TPCN1: variants seen among roughly 807,000 people sequenced by gnomAD.
TPCN1 encodes two pore channel protein 1.
In TPCN1, 52 loss-of-function variants were observed where a neutral mutation model predicts 108.8. That is an observed-to-expected ratio of 0.48 (90% CI 0.38 to 0.60). The LOEUF (loss-of-function observed/expected upper bound fraction) is 0.60, where lower values mean the gene tolerates loss of function less well. Among genes scored for constraint, TPCN1 ranks in the 20% least tolerant of loss-of-function variants. TPCN1 has a pLI of 0.00. For missense variants in TPCN1, 806 were observed against 1,072.8 expected (o/e 0.75, Z 3.47); for synonymous variants, 446 against 433.7 (o/e 1.03, Z -0.35).
intron 3 of TPCN1, among the ~76,000 whole-genome samples, chr12:113,265,291 T>C (rs1955211725): frequency 6.6e-6 from 1 of 152,220 alleles, no homozygotes; most frequent in South Asian, 2.1e-4. Context: ...ACCTTTCCTC[T>C]TCACAACAGC....
intron 2 of TPCN1, among the ~76,000 whole-genome samples, chr12:113,228,342 C>G (rs1272991494): frequency 6.6e-6 from 1 of 152,216 alleles, no homozygotes; most frequent in Non-Finnish European, 1.5e-5. Flanking sequence ...CGTGGTGGCC[C>G]CCACCTTTAA....
rs140854917 is a variant in TPCN1 at position 113,252,286 on chromosome 12, G to T, written c.113-8082G>T. Reference sequence around the variant, plus strand: ...CATTGAGGCTTGTTAGCAAGGAATGGCCTGCACCGTGGGACGCGTCGGGCC... The same window carrying T: ...CATTGAGGCTTGTTAGCAAGGAATGTCCTGCACCGTGGGACGCGTCGGGCC... On this transcript the variant is annotated intron_variant, in intron 2 of 27. Coordinates refer to ENST00000335509, the MANE Select transcript of TPCN1 (RefSeq NM_017901.6). Among the ~76,000 whole-genome samples, 14 of 152,312 alleles carry T rather than the reference G, an allele frequency of 9.2e-5. No homozygotes were observed. The East Asian group carries it at 2.7e-3, about 29-fold the overall frequency.
At chr12:113,236,937 T>C (rs1953921590) in intron 2 of TPCN1, among the ~76,000 whole-genome samples, 1 of 152,094 alleles carries the variant, frequency 6.6e-6, no homozygotes, top group Non-Finnish European at 1.5e-5. Flanking sequence ...GAGCATTGGG[T>C]GGATGTCAGC....
rs1197983178 is a variant in TPCN1 at position 113,245,783 on chromosome 12, C to G, written c.113-14585C>G. On this transcript the variant is annotated intron_variant, in intron 2 of 27. Transcript: ENST00000335509. Reference sequence around the variant, plus strand: ...CCAGTGGTTTACGCAGCCGGGCTGCCCCCTGCGCCTGCTGGGTGAGGGGTG... The same window carrying G: ...CCAGTGGTTTACGCAGCCGGGCTGCGCCCTGCGCCTGCTGGGTGAGGGGTG... 2.8e-5 allele frequency: 10 copies of G among 362,526 alleles called. No individual in the cohort carries two copies. In the East Asian group the frequency reaches 7.5e-4, roughly 27 times the overall value. 22.5% of individuals were successfully genotyped at this position (362,526 alleles called of 1,614,324 possible).
chr12:113,297,212 G>C lies in TPCN1; in HGVS notation c.*1136G>C, dbSNP rs1403416859. Reference sequence around the variant, plus strand: ...GAGCCCTGTATGACATCTGAGCGTGGTGGAGGTAGGAGGGTTGCCAGCTGC... The same window carrying C: ...GAGCCCTGTATGACATCTGAGCGTGCTGGAGGTAGGAGGGTTGCCAGCTGC... On this transcript the variant is annotated 3_prime_UTR_variant, in exon 28 of 28. Coordinates refer to ENST00000335509, the MANE Select transcript of TPCN1 (RefSeq NM_017901.6). This position sits in a 1 kb window ranked among gnomAD's most constrained non-coding sequence, Gnocchi z 4.4. The C allele has an allele frequency of 1.3e-5, 2 of 152,710 alleles. No homozygotes were observed. The highest frequency in any genetic ancestry group is 2.4e-5 in the African/African-American group (1 of 41,428). 9.5% of individuals were successfully genotyped at this position (152,710 alleles called of 1,614,324 possible). A position where few individuals can be genotyped will look rare whatever the true frequency, so the allele number is the denominator to read the frequency against.
rs1955529807 is a variant in TPCN1, at chr12:113,272,305, A to T, written c.749-353A>T. 6.6e-6 allele frequency among the ~76,000 whole-genome samples: 1 copy of T among 152,248 alleles called. No homozygotes were observed. On this transcript the variant is annotated intron_variant, in intron 7 of 27. Transcript: ENST00000335509. This position sits in a 1 kb window ranked among gnomAD's most constrained non-coding sequence, Gnocchi z 4.1. Reference sequence around the variant, plus strand: ...CATGTTCTCAGAACCTAAGATTGCGAAACAGCAGCCTGGATTCCAGATCCA... The same window carrying T: ...CATGTTCTCAGAACCTAAGATTGCGTAACAGCAGCCTGGATTCCAGATCCA...
rs1457838890 is a variant in TPCN1 at position 113,273,540 on chromosome 12, G to A, written c.843-29G>A. 1.3e-6 allele frequency: 2 copies of A among 1,564,502 alleles called. No homozygotes were observed. The highest frequency in any genetic ancestry group is 1.1e-5 in the South Asian group (1 of 90,036). ...GAGAGGATGGAGACAGGCAGATACA[G>A]CACGCCGGGTCACCCTCTGCAAATA... is the stretch of plus-strand genomic sequence containing the variant. On this transcript the variant is annotated intron_variant, in intron 9 of 27. Transcript: ENST00000335509. This position sits in a 1 kb window ranked among gnomAD's most constrained non-coding sequence, Gnocchi z 4.0.
intron 13 of TPCN1, among the ~76,000 whole-genome samples, chr12:113,278,460 C>A (rs967263799): frequency 5.9e-5 from 9 of 152,184 alleles, no homozygotes; most frequent in Non-Finnish European, 1.2e-4. Context: ...CTTACTTAGA[C>A]CCCATTGGTT....
At chr12:113,244,476 T>G (rs1321060555) in intron 2 of TPCN1, 1 of 985,352 alleles carries the variant, frequency 1.0e-6, no homozygotes, top group Non-Finnish European at 1.2e-6. Context: ...AGAGAAGGCC[T>G]GAGCAGGGGG....
intron 15 of TPCN1, 127 bp downstream of exon 15, chr12:113,280,322 C>T (rs1955844592): frequency 1.4e-6 from 1 of 703,390 alleles, no homozygotes; most frequent in African/African-American, 1.8e-5. Flanking sequence ...GAATTCCCAG[C>T]ATGTATAAAA....
At chr12:113,236,242 C>T (rs1290146776) in intron 2 of TPCN1, among the ~76,000 whole-genome samples, 1 of 152,164 alleles carries the variant, frequency 6.6e-6, no homozygotes, top group African/African-American at 2.4e-5. Context: ...TTTGCCTGAA[C>T]TGTGTTTTAA....
intron 3 of TPCN1, among the ~76,000 whole-genome samples, chr12:113,264,128 C>CT (rs1485335743): frequency 6.6e-6 from 1 of 152,184 alleles, no homozygotes; most frequent in Non-Finnish European, 1.5e-5. Flanking sequence ...GTGTGGCCCC[C>CT]TGCCCACTGC....
chr12:113,279,319 G>A (rs7972725), intron 14 of TPCN1, among the ~76,000 whole-genome samples: 2,954 of 96,126 alleles, frequency 0.031, 112 homozygotes, highest in East Asian at 0.15. Context: ...ATATATATAT[G>A]TGTGTGTGTG....
intron 23 of TPCN1, 68 bp downstream of exon 23, chr12:113,291,066 A>G: frequency 2.8e-6 from 4 of 1,421,244 alleles, no homozygotes; most frequent in Non-Finnish European, 4.0e-6. Context: ...GTCTCCCCCA[A>G]CCCAGAGTAT....
chr12:113,253,644 C>T (rs773539166), intron 2 of TPCN1, among the ~76,000 whole-genome samples: 4 of 152,092 alleles, frequency 2.6e-5, no homozygotes, highest in African/African-American at 4.8e-5. Context: ...AATGGTTGCT[C>T]GGTTCCACAA....
At position 113,284,477 on chromosome 12, in the gene TPCN1, A is replaced by G; in HGVS notation, c.1343-104A>G. On this transcript the variant is annotated intron_variant, in intron 15 of 27. Coordinates refer to ENST00000335509, the MANE Select transcript of TPCN1 (RefSeq NM_017901.6). The surrounding 1 kb of genome is among the most constrained non-coding windows in gnomAD (Gnocchi z 4.1). Reference sequence around the variant, plus strand: ...TGTGTGGAGCAGCCCTGTTCTCCCCATCCCGTAGAGCTCCAGGAAGTTAAC... The same window carrying G: ...TGTGTGGAGCAGCCCTGTTCTCCCCGTCCCGTAGAGCTCCAGGAAGTTAAC... 1 of 1,308,994 alleles carries G rather than the reference A, an allele frequency of 7.6e-7. No individual in the cohort carries two copies. Among genetic ancestry groups the G allele is most frequent in the Admixed American group, 1.7e-5 (1 of 58,888 alleles). 81.1% of individuals were successfully genotyped at this position (1,308,994 alleles called of 1,614,324 possible).
At chr12:113,295,750 G>A (rs1956404030) in intron 27 of TPCN1, among the ~76,000 whole-genome samples, 1 of 152,188 alleles carries the variant, frequency 6.6e-6, no homozygotes, top group South Asian at 2.1e-4. Context: ...CCAGACACTA[G>A]GGAAAGATTT....
rs539366239 is a variant in TPCN1 at position 113,297,408 on chromosome 12, C to G, written c.*1332C>G. 1 of 153,438 alleles carries G rather than the reference C, an allele frequency of 6.5e-6. No homozygotes were observed. The highest frequency in any genetic ancestry group is 2.1e-4 in the South Asian group (1 of 4,840). The allele number at this position is 153,438 out of a possible 1,614,324, so 9.5% of individuals were successfully genotyped here. On this transcript the variant is annotated 3_prime_UTR_variant, in exon 28 of 28. Transcript: ENST00000335509. This position sits in a 1 kb window ranked among gnomAD's most constrained non-coding sequence, Gnocchi z 4.4. ...GGCATTCCTGGCCAGCCCCGGCCCT[C>G]TGGTGCCTGCTTCCTGTGACTTCAG...
rs760272185 is a variant in TPCN1 at position 113,269,451 on chromosome 12, C to T, written c.660-306C>T. On this transcript the variant is annotated intron_variant, in intron 6 of 27. Coordinates refer to ENST00000335509, the MANE Select transcript of TPCN1 (RefSeq NM_017901.6). The surrounding 1 kb of genome is among the most constrained non-coding windows in gnomAD (Gnocchi z 5.0). ...TCCACATCCTGCTCATGGAAACTGA[C>T]CTTTGCACCCAAGGTCATGCCCTTG... is the stretch of plus-strand genomic sequence containing the variant. Among the ~76,000 whole-genome samples, 5 of 152,154 alleles carry T rather than the reference C, an allele frequency of 3.3e-5. No homozygotes were observed. The highest frequency in any genetic ancestry group is 7.3e-5 in the Non-Finnish European group (5 of 68,032).
Sources: gnomAD v4.1 joint callset for allele counts (sites outside exome capture counted in the v4.1 genomes callset) on GRCh38, gnomAD v4.1.1 for gene constraint, Gnocchi (gnomAD v3.1) non-coding constraint, MANE v1.5 for transcripts, NCBI Gene and HGNC (gene_info 2026-07-23, HGNC 2026-07-21) for gene names.